Variants in NRG3 observed in about 807,000 individuals in gnomAD.
NRG3 encodes the protein neuregulin 3.
NRG3 carries 31 observed loss-of-function variants against 66.9 expected under a neutral mutation model. The ratio of observed to expected loss-of-function variants is 0.46; its 90% CI spans 0.35 to 0.63. The LOEUF (loss-of-function observed/expected upper bound fraction) is 0.63, where lower values mean the gene tolerates loss of function less well. Among genes scored for constraint, NRG3 ranks in the 20% least tolerant of loss-of-function variants. NRG3 has a pLI of 0.00. For synonymous variants in NRG3, 393 were observed against 359.4 expected, an observed-to-expected ratio of 1.09 and a Z score of -1.06; for missense variants, 910 against 878.9, an observed-to-expected ratio of 1.04 and a Z score of -0.45.
At chr10:82,423,920 TTTAAA>T (rs2089247941) in intron 2 of NRG3, among the ~76,000 whole-genome samples, 2 of 152,034 alleles carry the variant, frequency 1.3e-5, no homozygotes, top group African/African-American at 2.4e-5. Context: ...CCCTGGCTTC[TTTAAA>T]TTAACAAAAT....
intron 1 of NRG3, among the ~76,000 whole-genome samples, chr10:82,350,097 C>CT (rs1470016793): frequency 2.0e-5 from 3 of 152,042 alleles, no homozygotes; most frequent in African/African-American, 7.2e-5. Context: ...AAAAAAACTG[C>CT]TTTTTTACAC....
At chr10:81,953,006 C>A (rs1175374805) in intron 1 of NRG3, among the ~76,000 whole-genome samples, 3 of 152,082 alleles carry the variant, frequency 2.0e-5, no homozygotes, top group Non-Finnish European at 4.4e-5. Flanking sequence ...GCAGGCCCTG[C>A]AAGTTGGTCA....
intron 2 of NRG3, among the ~76,000 whole-genome samples, chr10:82,665,733 A>G (rs2052720803): frequency 6.6e-6 from 1 of 152,254 alleles, no homozygotes; most frequent in South Asian, 2.1e-4. Context: ...CAGAGTGCGA[A>G]GAACATTTCT....
chr10:82,616,220 T>C (rs2048638550), intron 2 of NRG3, among the ~76,000 whole-genome samples: 1 of 152,240 alleles, frequency 6.6e-6, no homozygotes, highest in African/African-American at 2.4e-5. Flanking sequence ...TCGATTATGT[T>C]ATGTCCTATC....
chr10:82,232,191 TA>T (rs1163083452), intron 1 of NRG3: 1 of 152,384 alleles, frequency 6.6e-6, no homozygotes, highest in Non-Finnish European at 1.5e-5. Context: ...TATATCATAA[TA>T]AATAGAATAT....
At chr10:82,831,926 G>T (rs1416104556) in intron 3 of NRG3, among the ~76,000 whole-genome samples, 2 of 152,088 alleles carry the variant, frequency 1.3e-5, no homozygotes, top group African/African-American at 2.4e-5. Flanking sequence ...CTACCTCCCT[G>T]GGATAAGATT....
chr10:82,866,868 G>A (rs1471216424), intron 4 of NRG3, among the ~76,000 whole-genome samples: 1 of 152,072 alleles, frequency 6.6e-6, no homozygotes, highest in East Asian at 1.9e-4. Context: ...TGAGGTTGAG[G>A]GGGAAATAAT....
chr10:81,885,057 C>G (rs1371395900), intron 1 of NRG3, among the ~76,000 whole-genome samples: 75 of 152,208 alleles, frequency 4.9e-4, no homozygotes. Context: ...AATCTTTGTA[C>G]CCATTGAGCA....
Position 82,229,628 on chromosome 10 carries a change from T to G in NRG3, c.824-129111T>G, listed in dbSNP as rs906043870. 4.6e-5 allele frequency among the ~76,000 whole-genome samples: 7 copies of G among 152,274 alleles called. No individual in the cohort carries two copies. In the East Asian group the frequency reaches 1.4e-3, roughly 29 times the overall value. On this transcript the variant is annotated intron_variant, in intron 1 of 8. Coordinates refer to ENST00000372141, the MANE Select transcript of NRG3 (RefSeq NM_001010848.4). ...GGAAACAACCATGTCCTTCTTCACA[T>G]GGCAGCAGGAGAGAGAAGTGCAGAG...
At chr10:82,691,924 T>C (rs1406926048) in intron 2 of NRG3, among the ~76,000 whole-genome samples, 1 of 152,084 alleles carries the variant, frequency 6.6e-6, no homozygotes, top group Non-Finnish European at 1.5e-5. Flanking sequence ...TCCCCTCAAA[T>C]AAGATTTTCC....
chr10:82,321,141 G>A (rs534218159), intron 1 of NRG3, among the ~76,000 whole-genome samples: 70 of 152,324 alleles, frequency 4.6e-4, no homozygotes, highest in Non-Finnish European at 8.5e-4. Context: ...GGGCGTCAGT[G>A]GTTGCAGGCA....
chr10:82,293,414 T>A (rs2134637600), intron 1 of NRG3, among the ~76,000 whole-genome samples: 1 of 152,310 alleles, frequency 6.6e-6, no homozygotes, highest in African/African-American at 2.4e-5. Flanking sequence ...GTGCCTAAGT[T>A]CAATTATTAT....
chr10:82,410,455 A>G (rs898609963), intron 2 of NRG3, among the ~76,000 whole-genome samples: 1 of 148,822 alleles, frequency 6.7e-6, no homozygotes, highest in Non-Finnish European at 1.5e-5. Flanking sequence ...ATATACATAT[A>G]TATATATATG....
chr10:82,898,577 G>C (rs1400878339), intron 4 of NRG3, among the ~76,000 whole-genome samples: 1 of 152,182 alleles, frequency 6.6e-6, no homozygotes, highest in Non-Finnish European at 1.5e-5. Flanking sequence ...ATACACATTT[G>C]CATGATGCTC....
chr10:82,660,856 A>G (rs538916582), intron 2 of NRG3, among the ~76,000 whole-genome samples: 38 of 152,284 alleles, frequency 2.5e-4, no homozygotes, highest in African/African-American at 8.7e-4. Context: ...CTTAGTAAGA[A>G]AACTGACCAG....
rs5786544 is a variant in NRG3 at position 82,295,072 on chromosome 10, T to TAA, written c.824-63658_824-63657dup. ...TTCATGTGCTATTTGCTGACTAATG[T>TAA]AAAAAAAAAATTCAACCTGTTTATG... On this transcript the variant is annotated intron_variant, in intron 1 of 8. Transcript: ENST00000372141. Among the ~76,000 whole-genome samples, 565 of 150,860 alleles carry TAA rather than the reference T, an allele frequency of 3.7e-3. 6 individuals are homozygous for TAA. The highest frequency in any genetic ancestry group is 0.012 in the African/African-American group (508 of 41,228).
intron 2 of NRG3, among the ~76,000 whole-genome samples, chr10:82,505,389 CAACT>C (rs1844573198): frequency 6.6e-6 from 1 of 152,188 alleles, no homozygotes; most frequent in Non-Finnish European, 1.5e-5. Flanking sequence ...AGCTATTTAC[CAACT>C]GATTGAGAAG....
intron 2 of NRG3, among the ~76,000 whole-genome samples, chr10:82,558,459 G>T (rs937845668): frequency 6.6e-6 from 1 of 152,104 alleles, no homozygotes; most frequent in Non-Finnish European, 1.5e-5. Context: ...TTCTGTCACT[G>T]CACATAACTC....
At chr10:82,960,633 C>T (rs922925493) in intron 6 of NRG3, among the ~76,000 whole-genome samples, 4 of 152,106 alleles carry the variant, frequency 2.6e-5, no homozygotes, top group Non-Finnish European at 5.9e-5. Context: ...TTTCTGATGA[C>T]ATTCCACCAC....
Sources: allele counts gnomAD v4.1 joint callset (sites outside exome capture counted in the v4.1 genomes callset), GRCh38; gene constraint gnomAD v4.1.1; transcripts MANE v1.5; gene names NCBI Gene and HGNC (gene_info 2026-07-23, HGNC 2026-07-21).